ABCA5: variants seen among roughly 807,000 people sequenced by gnomAD.
The protein encoded by ABCA5 is cholesterol transporter ABCA5.
A neutral mutation model predicts 206.0 loss-of-function variants in ABCA5; 163 were observed. The observed-to-expected ratio is 0.79, with a 90% CI of 0.70 to 0.90. The LOEUF (loss-of-function observed/expected upper bound fraction) is 0.90, where lower values mean the gene tolerates loss of function less well. Ranked by LOEUF, ABCA5 falls within the 40% of genes least tolerant of loss-of-function variation. The probability of loss-of-function intolerance (pLI) is 0.00; values close to 1 mark genes in which losing one functional copy is unlikely to be tolerated. For missense variants in ABCA5, 1,859 were observed against 1,912.9 expected (o/e 0.97, Z 0.53); for synonymous variants, 609 against 613.8 (o/e 0.99, Z 0.11).
intron 4 of ABCA5, 107 bp downstream of exon 4, chr17:69,309,155 A>G (rs887963517): frequency 3.6e-6 from 3 of 828,090 alleles, no homozygotes; most frequent in East Asian, 6.0e-5. Context: ...AACAAGTAAG[A>G]ATAGTTGAAA....
chr17:69,269,812 CAAAA>C (rs930654430), intron 22 of ABCA5, among the ~76,000 whole-genome samples: 1 of 151,766 alleles, frequency 6.6e-6, no homozygotes, highest in African/African-American at 2.4e-5. Flanking sequence ...AGAAAGCAGA[CAAAA>C]AAGACTACAT....
Position 69,255,627 on chromosome 17 carries a change from G to T in ABCA5, c.3984C>A (p.Ile1328=). Reference sequence around the variant, plus strand: ...CACCATTTGGACCCAATAGTCCTAAGATCTCTCCTAAAGGAATTGAAAGAA... The same window carrying T: ...CACCATTTGGACCCAATAGTCCTAATATCTCTCCTAAAGGAATTGAAAGAA... ...YISFCVKKGE[I]LGLLGPNGAG... Residue 1328 remains isoleucine, a synonymous_variant, in exon 31 of 39, where the codon ATC becomes ATA. Coordinates refer to ENST00000392676, the MANE Select transcript of ABCA5 (RefSeq NM_172232.4). 1 of 1,579,094 alleles carries T rather than the reference G, an allele frequency of 6.3e-7. No individual in the cohort carries two copies. The highest frequency in any genetic ancestry group is 1.2e-5 in the South Asian group (1 of 84,020).
At position 69,303,854 on chromosome 17, in the gene ABCA5, ATG is replaced by A. The variant is rs1478906854; in HGVS notation, c.930+813_930+814del. Among the ~76,000 whole-genome samples the A allele has an allele frequency of 3.5e-3, 112 of 32,152 alleles. 32 individuals are homozygous for A. The highest frequency in any genetic ancestry group is 0.022 in the East Asian group (21 of 954). The allele number at this position is 32,152 out of a possible 152,430, so 21.1% of individuals were successfully genotyped here. A position where few individuals can be genotyped will look rare whatever the true frequency, so the allele number is the denominator to read the frequency against. On this transcript the variant is annotated intron_variant, in intron 7 of 38. Transcript: ENST00000392676. ...TATATATATATACATACATATATAT[ATG>A]TATATATATATATACATATATACAT...
chr17:69,284,564 TTAAAAAA>T (rs1474070244), intron 17 of ABCA5, among the ~76,000 whole-genome samples: 1 of 152,152 alleles, frequency 6.6e-6, no homozygotes, highest in African/African-American at 2.4e-5. Context: ...TATTCATCTT[TTAAAAAA>T]TAAAAAAGTA....
intron 24 of ABCA5, among the ~76,000 whole-genome samples, chr17:69,262,032 G>A (rs1294460544): frequency 6.6e-6 from 1 of 151,660 alleles, no homozygotes; most frequent in African/African-American, 2.4e-5. Flanking sequence ...TATTTTATAT[G>A]GCAGAAACTA....
intron 9 of ABCA5, among the ~76,000 whole-genome samples, chr17:69,300,255 A>G (rs951958228): frequency 7.9e-5 from 12 of 152,164 alleles, no homozygotes; most frequent in African/African-American, 2.7e-4. Context: ...GCGGTTCGCA[A>G]TAGGGTTCAT....
At chr17:69,255,242 C>T (rs1598149178) in intron 31 of ABCA5, among the ~76,000 whole-genome samples, 1 of 152,024 alleles carries the variant, frequency 6.6e-6, no homozygotes, top group Non-Finnish European at 1.5e-5. Flanking sequence ...AACAAGCTCC[C>T]ATATCTCCTG....
At chr17:69,291,786 G>A (rs973817443) in intron 11 of ABCA5, among the ~76,000 whole-genome samples, 1 of 152,126 alleles carries the variant, frequency 6.6e-6, no homozygotes, top group African/African-American at 2.4e-5. Context: ...AGGAGATGGG[G>A]ACCTGAAATG....
At position 69,248,300 on chromosome 17, in the gene ABCA5, T is replaced by C. The variant is rs147523276; in HGVS notation, c.4783A>G (p.Ile1595Val). ...GCTTGAGAAAAGCTATATTCTTCAATGGCAAAAGCATGTTTAGCTATTAAA... is the reference window on the plus strand; with the variant it reads ...GCTTGAGAAAAGCTATATTCTTCAACGGCAAAAGCATGTTTAGCTATTAAA... ...KLEEAKHAFA[I>V]EEYSFSQATL... Residue 1595 changes from isoleucine (I) to valine (V), a missense_variant, in exon 38 of 39, where the codon ATT becomes GTT. Physicochemically the swap from Ile to Val is conservative, Grantham distance 29. Coordinates refer to ENST00000392676, the MANE Select transcript of ABCA5 (RefSeq NM_172232.4). 43 of 1,568,862 alleles carry C rather than the reference T, an allele frequency of 2.7e-5. No individual in the cohort carries two copies. Among genetic ancestry groups the C allele is most frequent in the Non-Finnish European group, 3.7e-5 (42 of 1,148,914 alleles).
chr17:69,277,655 T>C lies in ABCA5; in HGVS notation c.2580A>G (p.Lys860=), dbSNP rs369649285. ...ATTATACTTACACTGATCTCACTGA[T>C]TTACTTTCACGTTTCAAGGTAAAGA... The part of the protein sequence containing the change: ...FHFFTLKRES[K]SVRSVLLLLL... The change falls in exon 19 of 39, where the codon AAA becomes AAG. Residue 860 remains lysine (K), a synonymous_variant. Coordinates refer to ENST00000392676, the MANE Select transcript of ABCA5 (RefSeq NM_172232.4). 4.3e-6 allele frequency: 7 copies of C among 1,610,118 alleles called. No homozygotes were observed. The highest frequency in any genetic ancestry group is 5.9e-6 in the Non-Finnish European group (7 of 1,178,774).
chr17:69,289,956 T>C lies in ABCA5; in HGVS notation c.1688A>G (p.Gln563Arg), dbSNP rs775797926. 2.5e-6 allele frequency: 4 copies of C among 1,612,488 alleles called. No homozygotes were observed. Among genetic ancestry groups the C allele is most frequent in the Non-Finnish European group, 3.4e-6 (4 of 1,179,368 alleles). Residue 563 changes from glutamine to arginine, a missense_variant, in exon 13 of 39, where the codon CAG becomes CGG. Coordinates refer to ENST00000392676, the MANE Select transcript of ABCA5 (RefSeq NM_172232.4). Reference sequence around the variant, plus strand: ...CAAAACATCAAAGTGTATATCTAACTGTGGACAAATGCCAATCATTTTTCT... The same window carrying C: ...CAAAACATCAAAGTGTATATCTAACCGTGGACAAATGCCAATCATTTTTCT... ...EARKMIGICPQLDIHFDVLTV... is the reference protein window; with the variant it reads ...EARKMIGICPRLDIHFDVLTV...
Position 69,277,856 on chromosome 17 carries a change from C to T in ABCA5, c.2393-14G>A. On this transcript the variant is annotated splice_polypyrimidine_tract_variant and intron_variant, in intron 18 of 38. Coordinates refer to ENST00000392676, the MANE Select transcript of ABCA5 (RefSeq NM_172232.4). ...ATACACTATAATCTATTTGCCAAAA[C>T]AAAACAAACATTTCAGTATGTTCAT... is the stretch of plus-strand genomic sequence containing the variant. 1 of 1,473,080 alleles carries T rather than the reference C, an allele frequency of 6.8e-7. No homozygotes were observed. 91.3% of individuals were successfully genotyped at this position (1,473,080 alleles called of 1,614,324 possible). A position where few individuals can be genotyped will look rare whatever the true frequency, so the allele number is the denominator to read the frequency against.
rs1361824338 is a variant in ABCA5 at position 69,247,368 on chromosome 17, TA to T, written c.*168del. ...CACTTAATTATACATACGTTTTATT[TA>T]AAGAAAAGCAAAACACACAACCACA... is the stretch of plus-strand genomic sequence containing the variant. On this transcript the variant is annotated 3_prime_UTR_variant, in exon 39 of 39. Coordinates refer to ENST00000392676, the MANE Select transcript of ABCA5 (RefSeq NM_172232.4). The T allele has an allele frequency of 2.6e-5, 14 of 543,890 alleles. No homozygotes were observed. The African/African-American group carries it at 2.7e-4, about 11-fold the overall frequency. 33.7% of individuals were successfully genotyped at this position (543,890 alleles called of 1,614,324 possible). A position where few individuals can be genotyped will look rare whatever the true frequency, so the allele number is the denominator to read the frequency against.
chr17:69,261,466 C>G (rs919032781), intron 25 of ABCA5, among the ~76,000 whole-genome samples, 169 bp downstream of exon 25: 13 of 151,944 alleles, frequency 8.6e-5, no homozygotes, highest in Admixed American at 8.5e-4. Context: ...ATTGTTCCTA[C>G]GTGGAAAGGA....
chr17:69,280,022 A>T (rs140535383), intron 18 of ABCA5, among the ~76,000 whole-genome samples: 11,373 of 152,238 alleles, frequency 0.075, 586 homozygotes, highest in Non-Finnish European at 0.11. Context: ...CAAAAGACAA[A>T]ATTGACAAAT....
intron 26 of ABCA5, 70 bp from the exon 27 acceptor site, chr17:69,260,482 G>T: frequency 1.9e-6 from 2 of 1,080,804 alleles, no homozygotes; most frequent in Non-Finnish European, 2.7e-6. Flanking sequence ...ATGAAAAAAT[G>T]TATTTTGTTT....
In ABCA5 at chr17:69,246,823, A is replaced by C. The variant is rs1426004378; in HGVS notation, c.*714T>G. On this transcript the variant is annotated 3_prime_UTR_variant, in exon 39 of 39. Transcript: ENST00000392676. ...AGTCAAAGAATCAGACTATTACGTAAGATTCTACACACAGTCTTCCTTTAA... is the reference window on the plus strand; with the variant it reads ...AGTCAAAGAATCAGACTATTACGTACGATTCTACACACAGTCTTCCTTTAA... 1 of 151,946 alleles carries C rather than the reference A, an allele frequency of 6.6e-6. No homozygotes were observed. Among genetic ancestry groups the C allele is most frequent in the Admixed American group, 6.6e-5 (1 of 15,254 alleles). The allele number at this position is 151,946 out of a possible 1,614,324, so 9.4% of individuals were successfully genotyped here. A position where few individuals can be genotyped will look rare whatever the true frequency, so the allele number is the denominator to read the frequency against.
Position 69,302,858 on chromosome 17 carries a change from CAT to C in ABCA5, c.977_978del (p.His326ArgfsTer5), listed in dbSNP as rs756778939. 1.9e-4 allele frequency: 302 copies of C among 1,581,436 alleles called. No individual in the cohort carries two copies. The highest frequency in any genetic ancestry group is 3.2e-4 in the Admixed American group (16 of 50,426). ...GTAACAAAAAATTCAACTATTCCCA[CAT>C]GTTTTGATTTTTTAAAAAGAGGTGT... ...MLTPLFKKSK[H>X]VGIVEFFVTV... On this transcript the variant is annotated frameshift_variant, in exon 8 of 39. Transcript: ENST00000392676. LOFTEE classifies it high-confidence loss of function.
In ABCA5 at chr17:69,286,307, C is replaced by T; in HGVS notation, c.2046G>A (p.Arg682=). 1 of 1,589,620 alleles carries T rather than the reference C, an allele frequency of 6.3e-7. No homozygotes were observed. The highest frequency in any genetic ancestry group is 8.5e-7 in the Non-Finnish European group (1 of 1,173,656). ...GCATTCCTTGTGATATCACAGCTTT[C>T]CTATCTGCAGATAAATATTTACATT... ...FMDEADILAD[R]KAVISQGMLK... The change falls in exon 16 of 39, where the codon AGG becomes AGA. Residue 682 remains arginine, a synonymous_variant. Coordinates refer to ENST00000392676, the MANE Select transcript of ABCA5 (RefSeq NM_172232.4).
Sources: allele counts gnomAD v4.1 joint callset (sites outside exome capture counted in the v4.1 genomes callset), GRCh38; gene constraint gnomAD v4.1.1; transcripts MANE v1.5; gene names NCBI Gene and HGNC (gene_info 2026-07-23, HGNC 2026-07-21).